The following GAB2 variants were observed in gnomAD, a reference collection of about 807,000 sequenced individuals.
GAB2 encodes GRB2 associated binding protein 2.
A neutral mutation model predicts 65.5 loss-of-function variants in GAB2; 26 were observed. That is an observed-to-expected ratio of 0.40 (90% confidence interval 0.29 to 0.55). The LOEUF (loss-of-function observed/expected upper bound fraction) is 0.55, where lower values mean the gene tolerates loss of function less well. Ranked by LOEUF, GAB2 falls within the 20% of genes least tolerant of loss-of-function variation. The pLI is 0.53. For synonymous variants in GAB2, 321 were observed against 329.6 expected, an observed-to-expected ratio of 0.97 and a Z score of 0.28; for missense variants, 884 against 875.8, an observed-to-expected ratio of 1.01 and a Z score of -0.12.
intron 2 of GAB2, among the ~76,000 whole-genome samples, chr11:78,250,669 C>T (rs577259488): frequency 1.3e-5 from 2 of 152,194 alleles, no homozygotes; most frequent in Admixed American, 6.5e-5. Context: ...CCAGGAAGTA[C>T]GGCTACCTGT....
chr11:78,222,897 C>A (rs999216175), intron 6 of GAB2, among the ~76,000 whole-genome samples: 3 of 152,190 alleles, frequency 2.0e-5, no homozygotes, highest in Non-Finnish European at 2.9e-5. Context: ...AGCCAAGAGA[C>A]CATATTTGAA....
intron 3 of GAB2, among the ~76,000 whole-genome samples, chr11:78,238,718 G>A (rs370099373): frequency 3.3e-5 from 5 of 152,088 alleles, no homozygotes; most frequent in African/African-American, 1.2e-4. Flanking sequence ...TCATAACATT[G>A]GATTTGACAG....
chr11:78,317,693 G>A (rs190454200), intron 1 of GAB2, among the ~76,000 whole-genome samples: 27 of 151,598 alleles, frequency 1.8e-4, no homozygotes, highest in African/African-American at 5.6e-4. Context: ...ACTTGGCAAC[G>A]AATCTTTGCT....
At chr11:78,365,747 G>C (rs1475051793) in intron 1 of GAB2, among the ~76,000 whole-genome samples, 1 of 152,214 alleles carries the variant, frequency 6.6e-6, no homozygotes, top group Non-Finnish European at 1.5e-5. Flanking sequence ...TTGAGCTTGA[G>C]GGGATGAAGC....
chr11:78,407,782 G>GAAAGA (rs1419334465), intron 1 of GAB2, among the ~76,000 whole-genome samples: 2 of 149,946 alleles, frequency 1.3e-5, no homozygotes, highest in East Asian at 2.0e-4. Flanking sequence ...GAGAAAGAAA[G>GAAAGA]AAAGAAAAGA....
intron 1 of GAB2, among the ~76,000 whole-genome samples, chr11:78,310,513 C>CAAAAAAAAAAAAAAAAA (rs11285625): frequency 2.7e-5 from 2 of 74,742 alleles, no homozygotes; most frequent in Admixed American, 1.4e-4. Context: ...GACTCTGTCT[C>CAAAAAAAAAAAAAAAAA]AAAAAAAAAA....
At chr11:78,317,280 T>C (rs1159961987) in intron 1 of GAB2, among the ~76,000 whole-genome samples, 1 of 152,168 alleles carries the variant, frequency 6.6e-6, no homozygotes, top group Non-Finnish European at 1.5e-5. Context: ...GTGATTACGA[T>C]GGGCCGGGCA....
chr11:78,339,268 T>C (rs994239041), intron 1 of GAB2, among the ~76,000 whole-genome samples: 2 of 152,166 alleles, frequency 1.3e-5, no homozygotes, highest in South Asian at 2.1e-4. Context: ...TTCTTTCATT[T>C]TGAATTTCTT....
intron 1 of GAB2, among the ~76,000 whole-genome samples, chr11:78,381,382 A>G (rs957630826): frequency 6.6e-6 from 1 of 152,218 alleles, no homozygotes; most frequent in Non-Finnish European, 1.5e-5. Context: ...GTCAAGCAGT[A>G]TTTATCTGTG....
chr11:78,414,692 CT>C (rs1460554238), intron 1 of GAB2, among the ~76,000 whole-genome samples: 2 of 152,146 alleles, frequency 1.3e-5, no homozygotes, highest in Non-Finnish European at 2.9e-5. Flanking sequence ...TCCAGAGACA[CT>C]TTTTGCAATT....
chr11:78,383,998 G>A lies in GAB2; in HGVS notation c.75+33648C>T, dbSNP rs116608911. 9.4e-3 allele frequency among the ~76,000 whole-genome samples: 1,429 copies of A among 152,260 alleles called. 26 individuals are homozygous for A. The highest frequency in any genetic ancestry group is 0.032 in the African/African-American group (1,334 of 41,532). On this transcript the variant is annotated intron_variant, in intron 1 of 9. Transcript: ENST00000361507. ...TCACTGCCCAGAGCAGCAGCGTGGC[G>A]ACAGAGGCATAGTTGAGCAAAGAAA...
chr11:78,396,983 T>C (rs1005396676), intron 1 of GAB2, among the ~76,000 whole-genome samples: 9 of 152,120 alleles, frequency 5.9e-5, no homozygotes, highest in Admixed American at 2.0e-4. Context: ...ATAGCACATA[T>C]AAATACAGGA....
At chr11:78,340,333 T>C (rs949563499) in intron 1 of GAB2, among the ~76,000 whole-genome samples, 2 of 152,166 alleles carry the variant, frequency 1.3e-5, no homozygotes, top group Non-Finnish European at 2.9e-5. Context: ...GTCTTTCTCT[T>C]TGGCCTCCTG....
At chr11:78,250,104 C>T (rs1865406232) in intron 3 of GAB2, 53 bp downstream of exon 3, 1 of 1,591,570 alleles carries the variant, frequency 6.3e-7, no homozygotes, top group Admixed American at 1.7e-5. Context: ...CTGAAAAGTA[C>T]TAGGCCCTGT....
intron 3 of GAB2, among the ~76,000 whole-genome samples, chr11:78,245,822 G>T (rs1865278867): frequency 6.6e-6 from 1 of 152,138 alleles, no homozygotes; most frequent in African/African-American, 2.4e-5. Flanking sequence ...TTTAAAAGCA[G>T]ATCTCTTGGA....
intron 1 of GAB2, among the ~76,000 whole-genome samples, chr11:78,337,911 G>A (rs1856029368): frequency 6.6e-6 from 1 of 152,188 alleles, no homozygotes; most frequent in Non-Finnish European, 1.5e-5. Flanking sequence ...AGCTTTGTAA[G>A]CAAAAGACCC....
At chr11:78,320,147 A>G (rs1312460080) in intron 1 of GAB2, among the ~76,000 whole-genome samples, 1 of 152,228 alleles carries the variant, frequency 6.6e-6, no homozygotes, top group Admixed American at 6.5e-5. Flanking sequence ...CGGGGATTAC[A>G]GGCATGAGCC....
At chr11:78,384,423 A>T (rs931953933) in intron 1 of GAB2, among the ~76,000 whole-genome samples, 7 of 152,184 alleles carry the variant, frequency 4.6e-5, no homozygotes, top group Non-Finnish European at 8.8e-5. Flanking sequence ...AACTTCAGAA[A>T]TTGTGCCATC....
chr11:78,224,666 G>GC (rs777091218), intron 5 of GAB2, among the ~76,000 whole-genome samples: 16 of 152,292 alleles, frequency 1.1e-4, no homozygotes, highest in Admixed American at 2.6e-4. Flanking sequence ...ACTGCGGTTA[G>GC]CATCTTCCAG....
Sources: allele counts gnomAD v4.1 joint callset (sites outside exome capture counted in the v4.1 genomes callset), GRCh38; gene constraint gnomAD v4.1.1; transcripts MANE v1.5; gene names NCBI Gene and HGNC (gene_info 2026-07-23, HGNC 2026-07-21).